The following TARS1 variants were observed in gnomAD, a reference collection of about 807,000 sequenced individuals.
TARS1 encodes threonyl-tRNA synthetase 1.
TARS1 carries 57 observed loss-of-function variants against 97.7 expected under a neutral mutation model. That is an observed-to-expected ratio of 0.58 (90% confidence interval 0.47 to 0.73). The LOEUF (loss-of-function observed/expected upper bound fraction) is 0.73. Among genes scored for constraint, TARS1 ranks in the 30% least tolerant of loss-of-function variants. TARS1 has a pLI of 0.00. For synonymous variants in TARS1, 312 were observed against 293.7 expected, an observed-to-expected ratio of 1.06 and a Z score of -0.64; for missense variants, 806 against 888.3, an observed-to-expected ratio of 0.91 and a Z score of 1.18.
intron 17 of TARS1, 114 bp downstream of exon 17, chr5:33,463,939 C>A: frequency 2.2e-6 from 2 of 895,398 alleles, no homozygotes; most frequent in Non-Finnish European, 3.5e-6. Context: ...AGAAATGTTA[C>A]TATTTTTAAT....
intron 1 of TARS1, 137 bp downstream of exon 1, chr5:33,441,280 A>C (rs1741080627): frequency 9.8e-7 from 1 of 1,021,898 alleles, no homozygotes; most frequent in Admixed American, 2.1e-5. Context: ...GGATGGTGGG[A>C]CTCCTGGAAA....
chr5:33,465,185 A>C (rs140298665), intron 17 of TARS1, among the ~76,000 whole-genome samples: 2 of 152,264 alleles, frequency 1.3e-5, no homozygotes, highest in African/African-American at 4.8e-5. Flanking sequence ...TTTAGTTACA[A>C]ATGATGACAA....
chr5:33,441,354 G>A, intron 1 of TARS1: 1 of 587,474 alleles, frequency 1.7e-6, no homozygotes, highest in Non-Finnish European at 3.0e-6. Context: ...GTTCATCTGT[G>A]GGTCCATTCT....
rs1460828534 is a variant in TARS1, at chr5:33,467,717, T to G, written c.*9T>G. ...CAGAAGAAGAATTTTAATGAAAAAA[T>G]TACCCAGATTGGCTCCATGGAAAAG... On this transcript the variant is annotated 3_prime_UTR_variant, in exon 19 of 19. Coordinates refer to ENST00000265112, the MANE Select transcript of TARS1 (RefSeq NM_152295.5). The G allele has an allele frequency of 2.5e-6, 4 of 1,606,930 alleles. No homozygotes were observed. The highest frequency in any genetic ancestry group is 3.4e-6 in the Non-Finnish European group (4 of 1,177,686).
At chr5:33,448,487 A>T in intron 2 of TARS1, 54 bp from the exon 3 acceptor site, 1 of 1,361,548 alleles carries the variant, frequency 7.3e-7, no homozygotes, top group Non-Finnish European at 9.9e-7. Flanking sequence ...ATTTCTAAAT[A>T]GGAAAGCAAT....
At chr5:33,449,665 C>A (rs1741630607) in intron 3 of TARS1, among the ~76,000 whole-genome samples, 1 of 151,864 alleles carries the variant, frequency 6.6e-6, no homozygotes, top group African/African-American at 2.4e-5. Context: ...CCGTGCTAGC[C>A]AGGATGGTCT....
chr5:33,451,342 A>G (rs1741721418), intron 3 of TARS1, among the ~76,000 whole-genome samples: 3 of 152,164 alleles, frequency 2.0e-5, no homozygotes, highest in South Asian at 4.1e-4. Flanking sequence ...ATTTGCGTCA[A>G]AAGGTTTTTC....
At chr5:33,450,236 T>C (rs1422490595) in intron 3 of TARS1, among the ~76,000 whole-genome samples, 1 of 152,228 alleles carries the variant, frequency 6.6e-6, no homozygotes, top group Non-Finnish European at 1.5e-5. Flanking sequence ...GTGTTATGTA[T>C]TGAATTGAAC....
chr5:33,440,779 C>T (rs1446954950), upstream of TARS1: 5 of 493,910 alleles, frequency 1.0e-5, no homozygotes, highest in Non-Finnish European at 1.4e-5. Context: ...AGACCAAGGT[C>T]AGCGGAGAGT....
In TARS1 at chr5:33,468,034, T is replaced by C. The variant is rs2111617463; in HGVS notation, c.*326T>C. The C allele has an allele frequency of 4.7e-6, 1 of 211,242 alleles. No individual in the cohort carries two copies. Among genetic ancestry groups the C allele is most frequent in the East Asian group, 1.2e-4 (1 of 8,470 alleles). The allele number at this position is 211,242 out of a possible 1,614,324, so 13.1% of individuals were successfully genotyped here. On this transcript the variant is annotated 3_prime_UTR_variant, in exon 19 of 19. Coordinates refer to ENST00000265112, the MANE Select transcript of TARS1 (RefSeq NM_152295.5). ...CAATTGAAAAAGTTTTCAAATTCAA[T>C]TAAGATAACTAGAATTGGATTATGG...
chr5:33,459,266 A>G (rs1282732635), intron 10 of TARS1, among the ~76,000 whole-genome samples: 2 of 152,198 alleles, frequency 1.3e-5, no homozygotes, highest in Admixed American at 1.3e-4. Context: ...CATGTTACTT[A>G]TATCTAGCCC....
At chr5:33,455,782 C>G in intron 6 of TARS1, 78 bp downstream of exon 6, 1 of 1,094,376 alleles carries the variant, frequency 9.1e-7, no homozygotes, top group Non-Finnish European at 1.4e-6. Context: ...CACTGGCGTT[C>G]CGTGTACTAA....
intron 1 of TARS1, among the ~76,000 whole-genome samples, chr5:33,442,629 G>A (rs558580169): frequency 1.2e-3 from 176 of 152,014 alleles, no homozygotes; most frequent in African/African-American, 4.1e-3. Context: ...TCCACCTCCC[G>A]GGTTCATGCC....
intron 2 of TARS1, among the ~76,000 whole-genome samples, chr5:33,447,620 CAT>C (rs1203203734): frequency 2.0e-5 from 3 of 147,646 alleles, no homozygotes; most frequent in Non-Finnish European, 4.5e-5. Flanking sequence ...TATATGGAGA[CAT>C]ATGTATGGAG....
rs562057220 is a variant in TARS1 at position 33,441,068 on chromosome 5, A to T, written c.-19A>T. ...TAGGCCGTCGCTTTCGGGTTCTCTC[A>T]TCGCTTCGTCGTTCGCCAATGTTTG... On this transcript the variant is annotated 5_prime_UTR_variant, in exon 1 of 19. Transcript: ENST00000265112. The T allele has an allele frequency of 4.3e-6, 7 of 1,614,106 alleles. No individual in the cohort carries two copies. The East Asian group carries it at 1.6e-4, about 36-fold the overall frequency.
At chr5:33,459,405 T>C (rs1015521463) in intron 10 of TARS1, among the ~76,000 whole-genome samples, 10 of 152,392 alleles carry the variant, frequency 6.6e-5, no homozygotes, top group Middle Eastern at 3.4e-3. Flanking sequence ...TTGCTACATA[T>C]TATTTTGTTA....
rs759615727 is a variant in TARS1 at position 33,461,888 on chromosome 5, C to T, written c.1630-18C>T. The T allele has an allele frequency of 6.2e-7, 1 of 1,607,394 alleles. No individual in the cohort carries two copies. Among genetic ancestry groups the T allele is most frequent in the Non-Finnish European group, 8.5e-7 (1 of 1,174,440 alleles). ...AGTATCACTGGCATTTTATAATAAC[C>T]CAGTCTTTGCTTCTTAGATTGACAT... On this transcript the variant is annotated intron_variant, in intron 14 of 18. Transcript: ENST00000265112.
At position 33,457,187 on chromosome 5, in the gene TARS1, A is replaced by G. The variant is rs1310156231; in HGVS notation, c.838-70A>G. On this transcript the variant is annotated intron_variant, in intron 8 of 18. Transcript: ENST00000265112. ...AACTACTCTAACAAGGCCTCAAAGC[A>G]ATTGGGAGTTAAAATAAGTGAGATG... is the stretch of plus-strand genomic sequence containing the variant. 2.6e-6 allele frequency: 4 copies of G among 1,562,650 alleles called. No individual in the cohort carries two copies. The African/African-American group carries it at 4.1e-5, about 16-fold the overall frequency.
At chr5:33,455,439 G>C (rs1741963158) in intron 5 of TARS1, 148 bp from the exon 6 acceptor site, 2 of 532,864 alleles carry the variant, frequency 3.8e-6, no homozygotes, top group African/African-American at 1.9e-5. Flanking sequence ...AAAATGTTTT[G>C]TTTAGAATTC....
Sources: allele counts gnomAD v4.1 joint callset (sites outside exome capture counted in the v4.1 genomes callset), GRCh38; gene constraint gnomAD v4.1.1; transcripts MANE v1.5; gene names NCBI Gene and HGNC (gene_info 2026-07-23, HGNC 2026-07-21).